The following PID1 variants were observed in gnomAD, a reference collection of about 807,000 sequenced individuals.
The protein encoded by PID1 is phosphotyrosine interaction domain containing 1.
In PID1, 10 loss-of-function variants were observed where a neutral mutation model predicts 19.1. The ratio of observed to expected loss-of-function variants is 0.52; its 90% CI spans 0.32 to 0.89. The LOEUF (loss-of-function observed/expected upper bound fraction) is 0.89. PID1 is among the 40% of genes least tolerant of loss of function. The probability of loss-of-function intolerance (pLI) is 0.03; values close to 1 mark genes in which losing one functional copy is unlikely to be tolerated. For missense variants in PID1, 248 were observed against 285.3 expected (o/e 0.87, Z 0.94); for synonymous variants, 130 against 116.0 (o/e 1.12, Z -0.78).
chr2:229,206,750 A>G (rs1257035176), intron 1 of PID1, among the ~76,000 whole-genome samples: 1 of 152,208 alleles, frequency 6.6e-6, no homozygotes, highest in Non-Finnish European at 1.5e-5. Context: ...TGCTCTGTCA[A>G]CCAGCACTTC....
chr2:229,209,120 C>G (rs9678872), intron 1 of PID1, among the ~76,000 whole-genome samples: 1 of 152,182 alleles, frequency 6.6e-6, no homozygotes, highest in African/African-American at 2.4e-5. Context: ...CCTGAGAGGG[C>G]CACATCTTAT....
intron 1 of PID1, among the ~76,000 whole-genome samples, chr2:229,163,566 G>A (rs777108980): frequency 5.3e-5 from 8 of 150,794 alleles, no homozygotes; most frequent in Non-Finnish European, 1.0e-4. Flanking sequence ...AAATAACTCC[G>A]TGCCCAAGGA....
intron 1 of PID1, among the ~76,000 whole-genome samples, chr2:229,183,174 C>T (rs1012438864): frequency 6.6e-6 from 1 of 152,172 alleles, no homozygotes; most frequent in African/African-American, 2.4e-5. Flanking sequence ...CATGGGAGTA[C>T]ACCATGTGAA....
At chr2:229,216,409 TC>T (rs1215726035) in intron 1 of PID1, among the ~76,000 whole-genome samples, 1 of 152,104 alleles carries the variant, frequency 6.6e-6, no homozygotes, top group East Asian at 1.9e-4. Context: ...GGTTTTCCTT[TC>T]CAAAACAGTG....
intron 1 of PID1, among the ~76,000 whole-genome samples, chr2:229,265,263 G>A (rs1690565379): frequency 6.6e-6 from 1 of 152,176 alleles, no homozygotes; most frequent in African/African-American, 2.4e-5. Flanking sequence ...AGGAATCCTG[G>A]GCCATCAGGC....
intron 2 of PID1, among the ~76,000 whole-genome samples, chr2:229,033,094 A>G (rs1350699309): frequency 6.6e-6 from 1 of 152,076 alleles, no homozygotes; most frequent in Non-Finnish European, 1.5e-5. Flanking sequence ...GAGCAGTACC[A>G]TTTGTTTCCC....
At chr2:229,227,970 A>C (rs1692117173) in intron 1 of PID1, 1 of 456,006 alleles carries the variant, frequency 2.2e-6, no homozygotes, top group Non-Finnish European at 4.4e-6. Flanking sequence ...GGTCTTGACT[A>C]TCTGTAGATT....
At chr2:229,050,567 C>T (rs2106183398) in intron 2 of PID1, among the ~76,000 whole-genome samples, 1 of 152,278 alleles carries the variant, frequency 6.6e-6, no homozygotes. Flanking sequence ...ATGGTAGCTG[C>T]CAAATAATGG....
chr2:229,138,042 T>G (rs1318236777), intron 2 of PID1, among the ~76,000 whole-genome samples: 4 of 152,186 alleles, frequency 2.6e-5, no homozygotes, highest in Non-Finnish European at 5.9e-5. Context: ...CAGAAAACAC[T>G]GGACCCTTAG....
chr2:229,198,761 T>G (rs757402350), intron 1 of PID1, among the ~76,000 whole-genome samples: 82 of 152,048 alleles, frequency 5.4e-4, no homozygotes, highest in Non-Finnish European at 5.3e-4. Context: ...ATATTGCAAA[T>G]GCAACCACTG....
chr2:229,251,972 T>TA (rs1357718454), intron 1 of PID1, among the ~76,000 whole-genome samples: 23 of 128,128 alleles, frequency 1.8e-4, no homozygotes, highest in African/African-American at 4.9e-4. Flanking sequence ...AAGAAAAGCT[T>TA]AAAAAAAAGA....
At chr2:229,108,780 A>G (rs908751403) in intron 2 of PID1, among the ~76,000 whole-genome samples, 1 of 152,156 alleles carries the variant, frequency 6.6e-6, no homozygotes, top group Non-Finnish European at 1.5e-5. Context: ...GAGCCTGGAC[A>G]CAGTCGTCTG....
intron 1 of PID1, among the ~76,000 whole-genome samples, chr2:229,202,887 A>G (rs1204718063): frequency 6.6e-6 from 1 of 152,108 alleles, no homozygotes; most frequent in Non-Finnish European, 1.5e-5. Flanking sequence ...ATTCCATCCT[A>G]AGAACAGTGA....
At chr2:229,150,814 T>A (rs368976661) in intron 2 of PID1, among the ~76,000 whole-genome samples, 1 of 151,648 alleles carries the variant, frequency 6.6e-6, no homozygotes, top group East Asian at 1.9e-4. Flanking sequence ...TCTACACATA[T>A]AATGTTTATA....
intron 1 of PID1, among the ~76,000 whole-genome samples, chr2:229,205,230 C>T (rs1574719909): frequency 6.7e-6 from 1 of 149,952 alleles, no homozygotes; most frequent in East Asian, 2.1e-4. Context: ...CACACAATCA[C>T]ACATACATAC....
chr2:229,222,864 A>AC (rs1692001591), intron 1 of PID1, among the ~76,000 whole-genome samples: 15 of 103,980 alleles, frequency 1.4e-4, no homozygotes, highest in Admixed American at 9.7e-4. Flanking sequence ...TTCACACACA[A>AC]ACACACACAC....
intron 1 of PID1, chr2:229,228,146 A>G: frequency 2.3e-6 from 1 of 440,694 alleles, no homozygotes; most frequent in Non-Finnish European, 4.6e-6. Flanking sequence ...TGCAATTTTG[A>G]TGGGATCTTT....
rs374622113 is a variant in PID1, at chr2:229,163,674, T to TGTGTGTGCGCGC, written c.31-7711_31-7710insGCGCGCACACAC. The stretch of plus-strand genomic sequence containing the variant: ...GAGTGTGTGTGTGTGTGTGTGTGTG[T>TGTGTGTGCGCGC]GCGTGTGCGTGTGTGTGTGTGTATA... On this transcript the variant is annotated intron_variant, in intron 1 of 2. Transcript: ENST00000392055. 5.3e-3 allele frequency among the ~76,000 whole-genome samples: 497 copies of TGTGTGTGCGCGC among 94,470 alleles called. 6 individuals are homozygous for TGTGTGTGCGCGC. The highest frequency in any genetic ancestry group is 0.014 in the African/African-American group (460 of 32,306). 62.0% of individuals were successfully genotyped at this position (94,470 alleles called of 152,430 possible).
At chr2:229,190,093 CT>C (rs982319849) in intron 1 of PID1, among the ~76,000 whole-genome samples, 5 of 152,186 alleles carry the variant, frequency 3.3e-5, no homozygotes, top group African/African-American at 9.7e-5. Flanking sequence ...AGCTCATGAA[CT>C]TTTTTTCCAC....
Sources: allele counts gnomAD v4.1 joint callset (sites outside exome capture counted in the v4.1 genomes callset), GRCh38; gene constraint gnomAD v4.1.1; transcripts MANE v1.5; gene names NCBI Gene and HGNC (gene_info 2026-07-23, HGNC 2026-07-21).